Variants in TTC29 observed in about 807,000 individuals in gnomAD.
TTC29 encodes tetratricopeptide repeat domain 29.
TTC29 carries 49 observed loss-of-function variants against 58.1 expected under a neutral mutation model. That is an observed-to-expected ratio of 0.84 (90% CI 0.67 to 1.07). TTC29 has a LOEUF of 1.07. TTC29 is among the 50% of genes least tolerant of loss of function. The probability of loss-of-function intolerance (pLI) is 0.00; values close to 1 mark genes in which losing one functional copy is unlikely to be tolerated. For missense variants in TTC29, 582 were observed against 555.6 expected (o/e 1.05, Z -0.48); for synonymous variants, 209 against 196.8 (o/e 1.06, Z -0.52).
At position 146,901,556 on chromosome 4, in the gene TTC29, C is replaced by T. The variant is rs76754183; in HGVS notation, c.586+1988G>A. ...GTCTAATTTCAGCTTCTTCCACTTC[C>T]CACCTTCCACTCACTGTGTTCTAGT... On this transcript the variant is annotated intron_variant, in intron 6 of 12. Coordinates refer to ENST00000325106, the MANE Select transcript of TTC29 (RefSeq NM_031956.4). Among the ~76,000 whole-genome samples the T allele has an allele frequency of 1.0e-2, 1,516 of 152,280 alleles. 31 individuals carry two copies. Among genetic ancestry groups the T allele is most frequent in the African/African-American group, 0.034 (1,421 of 41,556 alleles).
chr4:146,834,292 A>T (rs77624372), intron 8 of TTC29, among the ~76,000 whole-genome samples: 9,574 of 152,212 alleles, frequency 0.063, 403 homozygotes, highest in Admixed American at 0.13. Flanking sequence ...TTTCTTTCTA[A>T]AAATAGCTAT....
intron 3 of TTC29, 35 bp from the exon 4 acceptor site, chr4:146,937,712 C>G: frequency 7.8e-7 from 1 of 1,276,764 alleles, no homozygotes; most frequent in Non-Finnish European, 1.1e-6. Flanking sequence ...AAAGCACAGC[C>G]TTATCAAGTT....
chr4:146,758,741 A>C (rs1746640303), intron 11 of TTC29, among the ~76,000 whole-genome samples: 1 of 152,156 alleles, frequency 6.6e-6, no homozygotes, highest in African/African-American at 2.4e-5. Flanking sequence ...CCAAATAAGC[A>C]TTGGGTCAAA....
rs891633247 is a variant in TTC29 at position 146,864,545 on chromosome 4, C to T, written c.885+2953G>A. Among the ~76,000 whole-genome samples, 3 of 152,112 alleles carry T rather than the reference C, an allele frequency of 2.0e-5. No homozygotes were observed. In the East Asian group the frequency reaches 5.8e-4, roughly 29 times the overall value. On this transcript the variant is annotated intron_variant, in intron 8 of 12. Transcript: ENST00000325106. The stretch of plus-strand genomic sequence containing the variant: ...ATAAAAATTACCACAAACTAAATGA[C>T]TTAAAATAATAGAAATATATTCTCT...
intron 11 of TTC29, among the ~76,000 whole-genome samples, chr4:146,713,273 T>C (rs1742654864): frequency 8.6e-6 from 1 of 116,042 alleles, no homozygotes. Flanking sequence ...TAATTGGGTG[T>C]TTCTTTATTC....
At chr4:146,796,954 A>G (rs1749873549) in intron 11 of TTC29, among the ~76,000 whole-genome samples, 1 of 152,170 alleles carries the variant, frequency 6.6e-6, no homozygotes. Context: ...ACCCAGTATC[A>G]AAATATATCA....
intron 11 of TTC29, among the ~76,000 whole-genome samples, chr4:146,732,790 T>A (rs1040844020): frequency 1.3e-5 from 2 of 152,118 alleles, no homozygotes; most frequent in Non-Finnish European, 2.9e-5. Flanking sequence ...GTGAGGCAGA[T>A]AACTGCAAGC....
At chr4:146,710,819 A>AAAAG (rs1305123626) in intron 11 of TTC29, among the ~76,000 whole-genome samples, 2 of 152,130 alleles carry the variant, frequency 1.3e-5, no homozygotes, top group African/African-American at 4.8e-5. Context: ...GTGGGCAACA[A>AAAAG]AAAGATCTCA....
Position 146,905,207 on chromosome 4 carries a change from C to T in TTC29, c.401-1478G>A, listed in dbSNP as rs1277666946. On this transcript the variant is annotated intron_variant, in intron 5 of 12. Transcript: ENST00000325106. ...ATGAACTTCCTACATAATGTGAATA[C>T]AACACTAAAGTCTGTTTTGTAATAT... 2.0e-5 allele frequency among the ~76,000 whole-genome samples: 3 copies of T among 152,126 alleles called. No individual in the cohort carries two copies. In the East Asian group the frequency reaches 5.8e-4, roughly 29 times the overall value.
intron 4 of TTC29, among the ~76,000 whole-genome samples, chr4:146,932,016 T>G (rs1244101508): frequency 1.3e-5 from 2 of 152,184 alleles, no homozygotes. Context: ...CTTCCTTCTC[T>G]TTCTTTTCTT....
chr4:146,904,025 C>T (rs1373295455), intron 5 of TTC29, among the ~76,000 whole-genome samples: 1 of 152,072 alleles, frequency 6.6e-6, no homozygotes, highest in East Asian at 1.9e-4. Flanking sequence ...CAGGACAATA[C>T]CTACTAGCAA....
intron 3 of TTC29, among the ~76,000 whole-genome samples, chr4:146,938,126 G>GT (rs1163480273): frequency 1.3e-5 from 2 of 152,082 alleles, no homozygotes; most frequent in African/African-American, 4.8e-5. Flanking sequence ...TCTTTGAATA[G>GT]TTTTTTTAAT....
intron 6 of TTC29, among the ~76,000 whole-genome samples, chr4:146,896,084 C>T (rs1732750415): frequency 6.6e-6 from 1 of 152,098 alleles, no homozygotes; most frequent in Non-Finnish European, 1.5e-5. Context: ...GCAAACTTAA[C>T]TTTATGTTTA....
intron 11 of TTC29, among the ~76,000 whole-genome samples, chr4:146,803,019 A>G (rs898682566): frequency 1.3e-5 from 2 of 152,224 alleles, no homozygotes; most frequent in Non-Finnish European, 2.9e-5. Flanking sequence ...TATTTTCTAA[A>G]TTAATATTCC....
chr4:146,719,165 G>C (rs1215468062), intron 11 of TTC29, among the ~76,000 whole-genome samples: 1 of 148,832 alleles, frequency 6.7e-6, no homozygotes, highest in East Asian at 2.0e-4. Context: ...TGTTCTTTTT[G>C]CTCATCATTG....
At chr4:146,862,018 T>C (rs994633354) in intron 8 of TTC29, among the ~76,000 whole-genome samples, 1 of 152,062 alleles carries the variant, frequency 6.6e-6, no homozygotes, top group African/African-American at 2.4e-5. Context: ...GACAAAGCTG[T>C]TTCTGAGCCT....
intron 11 of TTC29, among the ~76,000 whole-genome samples, chr4:146,791,786 T>A (rs1749474657): frequency 6.6e-6 from 1 of 152,138 alleles, no homozygotes; most frequent in African/African-American, 2.4e-5. Flanking sequence ...TTGAAAGAAA[T>A]TAAAATGCTA....
chr4:146,904,026 C>G (rs948378844), intron 5 of TTC29, among the ~76,000 whole-genome samples: 1 of 152,108 alleles, frequency 6.6e-6, no homozygotes, highest in Non-Finnish European at 1.5e-5. Context: ...AGGACAATAC[C>G]TACTAGCAAC....
At chr4:146,785,705 C>T (rs929791940) in intron 11 of TTC29, among the ~76,000 whole-genome samples, 1 of 152,112 alleles carries the variant, frequency 6.6e-6, no homozygotes, top group South Asian at 2.1e-4. Flanking sequence ...AATCCCTTTT[C>T]ATTCTTTTAC....
Sources: gnomAD v4.1 joint callset for allele counts (sites outside exome capture counted in the v4.1 genomes callset) on GRCh38, gnomAD v4.1.1 for gene constraint, MANE v1.5 for transcripts, NCBI Gene and HGNC (gene_info 2026-07-23, HGNC 2026-07-21) for gene names.